ZMYND8: variants seen among roughly 807,000 people sequenced by gnomAD.
ZMYND8 encodes MYND-type zinc finger-containing chromatin reader ZMYND8.
In ZMYND8, 37 loss-of-function variants were observed where a neutral mutation model predicts 140.8. The observed-to-expected ratio is 0.26, with a 90% CI of 0.20 to 0.35. The LOEUF is 0.35. Ranked by LOEUF, ZMYND8 falls within the 10% of genes least tolerant of loss-of-function variation. The pLI is 1.00. For synonymous variants in ZMYND8, 592 were observed against 597.1 expected, an observed-to-expected ratio of 0.99 and a Z score of 0.12; for missense variants, 1,068 against 1,570.0, an observed-to-expected ratio of 0.68 and a Z score of 5.40.
intron 11 of ZMYND8, among the ~76,000 whole-genome samples, chr20:47,275,918 T>C (rs2076230251): frequency 6.6e-6 from 1 of 152,172 alleles, no homozygotes; most frequent in Non-Finnish European, 1.5e-5. Flanking sequence ...CAAGTATTAT[T>C]TTTTATCATA....
intron 12 of ZMYND8, among the ~76,000 whole-genome samples, chr20:47,261,303 A>G (rs1025128003): frequency 3.9e-5 from 6 of 152,088 alleles, no homozygotes; most frequent in Middle Eastern, 3.2e-3. Flanking sequence ...TTGGGAGGCT[A>G]AAGTGGGAGG....
intron 2 of ZMYND8, among the ~76,000 whole-genome samples, chr20:47,326,272 T>C (rs373023621): frequency 2.0e-5 from 3 of 152,184 alleles, no homozygotes; most frequent in African/African-American, 7.2e-5. Context: ...AGCTAGTTTT[T>C]GTATTTTTTA....
chr20:47,269,284 G>A (rs890919881), intron 11 of ZMYND8, among the ~76,000 whole-genome samples: 1 of 152,180 alleles, frequency 6.6e-6, no homozygotes, highest in East Asian at 1.9e-4. Context: ...TGAGGGTGTG[G>A]GTGGTACTGG....
chr20:47,270,214 A>G (rs1474552599), intron 11 of ZMYND8, among the ~76,000 whole-genome samples: 2 of 149,912 alleles, frequency 1.3e-5, no homozygotes, highest in African/African-American at 4.9e-5. Flanking sequence ...CTCCAGCCTG[A>G]GTGATAGAGT....
intron 12 of ZMYND8, among the ~76,000 whole-genome samples, chr20:47,249,824 TG>T (rs2074022998): frequency 6.6e-6 from 1 of 152,174 alleles, no homozygotes; most frequent in African/African-American, 2.4e-5. Context: ...CTGGTCAAGG[TG>T]TACTTGTAAC....
At chr20:47,287,780 C>T (rs1329119173) in intron 7 of ZMYND8, among the ~76,000 whole-genome samples, 1 of 151,928 alleles carries the variant, frequency 6.6e-6, no homozygotes, top group Non-Finnish European at 1.5e-5. Flanking sequence ...TCACTTGAGC[C>T]CAGGAGTTGA....
chr20:47,276,310 T>C lies in ZMYND8; in HGVS notation c.1480+4A>G, dbSNP rs2076258102. On this transcript the variant is annotated splice_donor_region_variant and intron_variant, in intron 11 of 22. Transcript: ENST00000471951. ...TCCTCCCCGCTCCCCCGCACGGAGCTGACCTGTGCTCTTATCCAGGAAGTC... is the reference window on the plus strand; with the variant it reads ...TCCTCCCCGCTCCCCCGCACGGAGCCGACCTGTGCTCTTATCCAGGAAGTC... The C allele has an allele frequency of 6.5e-7, 1 of 1,548,340 alleles. No individual in the cohort carries two copies.
intron 12 of ZMYND8, among the ~76,000 whole-genome samples, chr20:47,256,480 C>T (rs922245480): frequency 2.0e-5 from 3 of 152,130 alleles, no homozygotes; most frequent in African/African-American, 4.8e-5. Context: ...ATTAGCCAGG[C>T]ATGGTGGCGG....
At chr20:47,341,526 CA>C (rs112093006) in intron 2 of ZMYND8, among the ~76,000 whole-genome samples, 3,682 of 56,306 alleles carry the variant, frequency 0.065, 131 homozygotes, top group African/African-American at 0.19. Flanking sequence ...GACTCCATCT[CA>C]AAAAAAAAAA....
chr20:47,324,085 C>T (rs574419316), intron 2 of ZMYND8, among the ~76,000 whole-genome samples: 1 of 151,782 alleles, frequency 6.6e-6, no homozygotes, highest in East Asian at 1.9e-4. Context: ...GCCTGTAATC[C>T]CAGCTGCTCG....
intron 2 of ZMYND8, among the ~76,000 whole-genome samples, chr20:47,339,330 C>A (rs1364070933): frequency 6.6e-6 from 1 of 152,172 alleles, no homozygotes; most frequent in Non-Finnish European, 1.5e-5. Flanking sequence ...GTTTCCTCAT[C>A]TGCCTCCAGA....
chr20:47,210,527 G>T lies in ZMYND8; in HGVS notation c.*234C>A. 1 of 431,320 alleles carries T rather than the reference G, an allele frequency of 2.3e-6. No homozygotes were observed. The highest frequency in any genetic ancestry group is 4.2e-6 in the Non-Finnish European group (1 of 235,772). 26.7% of individuals were successfully genotyped at this position (431,320 alleles called of 1,614,324 possible). A position where few individuals can be genotyped will look rare whatever the true frequency, so the allele number is the denominator to read the frequency against. ...CTAGATTCAATGACATCCACAAATTGTACATTATTTACACCAAAAGCACAG... is the reference window on the plus strand; with the variant it reads ...CTAGATTCAATGACATCCACAAATTTTACATTATTTACACCAAAAGCACAG... On this transcript the variant is annotated 3_prime_UTR_variant, in exon 23 of 23. Transcript: ENST00000471951.
At chr20:47,234,173 T>C (rs1228424444) in intron 16 of ZMYND8, among the ~76,000 whole-genome samples, 18 of 152,212 alleles carry the variant, frequency 1.2e-4, no homozygotes, top group Non-Finnish European at 1.9e-4. Context: ...ACCAGCCTCC[T>C]AAGTAGCTGG....
intron 11 of ZMYND8, among the ~76,000 whole-genome samples, chr20:47,266,421 C>T (rs1028474967): frequency 6.6e-5 from 10 of 152,118 alleles, no homozygotes; most frequent in Admixed American, 1.3e-4. Context: ...GCTGGGATTA[C>T]AGGCGCCCAC....
At chr20:47,293,156 G>GAA (rs2077395941) in intron 5 of ZMYND8, among the ~76,000 whole-genome samples, 1 of 32,832 alleles carries the variant, frequency 3.0e-5, no homozygotes, top group East Asian at 1.3e-3. Flanking sequence ...GGAAGGGAGG[G>GAA]AGGGAGGGAG....
intron 14 of ZMYND8, among the ~76,000 whole-genome samples, chr20:47,241,129 A>G (rs960615500): frequency 3.3e-5 from 5 of 151,720 alleles, no homozygotes; most frequent in Admixed American, 1.3e-4. Context: ...CCCCATCTCT[A>G]CTAAAGATAC....
chr20:47,272,234 C>T lies in ZMYND8; in HGVS notation c.1480+4080G>A, dbSNP rs182417715. Among the ~76,000 whole-genome samples, 11 of 152,014 alleles carry T rather than the reference C, an allele frequency of 7.2e-5. No individual in the cohort carries two copies. The East Asian group carries it at 2.0e-3, about 27-fold the overall frequency. ...CTGGGATTACAGGCACATGCCACCACGCCCAGCTAATTTTTTGTATTTTTA... is the reference window on the plus strand; with the variant it reads ...CTGGGATTACAGGCACATGCCACCATGCCCAGCTAATTTTTTGTATTTTTA... On this transcript the variant is annotated intron_variant, in intron 11 of 22. Transcript: ENST00000471951.
At chr20:47,236,247 C>T (rs1364947048) in intron 16 of ZMYND8, 79 bp downstream of exon 16, 18 of 1,568,310 alleles carry the variant, frequency 1.1e-5, no homozygotes, top group Middle Eastern at 1.8e-4. Context: ...AAGACGCTCA[C>T]GCTTCCCCTC....
At chr20:47,311,174 C>A (rs1022787923) in intron 2 of ZMYND8, among the ~76,000 whole-genome samples, 2 of 152,132 alleles carry the variant, frequency 1.3e-5, no homozygotes, top group Non-Finnish European at 2.9e-5. Flanking sequence ...CGGGAAGTTC[C>A]CGTGCTCCCA....
Sources: gnomAD v4.1 joint callset for allele counts (sites outside exome capture counted in the v4.1 genomes callset) on GRCh38, gnomAD v4.1.1 for gene constraint, MANE v1.5 for transcripts, NCBI Gene and HGNC (gene_info 2026-07-23, HGNC 2026-07-21) for gene names.